The following BST1 variants were observed in gnomAD, a reference collection of about 807,000 sequenced individuals.
BST1 encodes ADP-ribosyl cyclase/cyclic ADP-ribose hydrolase 2.
In BST1, 49 loss-of-function variants were observed where a neutral mutation model predicts 40.6. The observed-to-expected ratio is 1.21, with a 90% confidence interval of 0.96 to 1.53. BST1 has a LOEUF of 1.53. Among genes scored for constraint, BST1 ranks in the 40% most tolerant of loss-of-function variants. The probability of loss-of-function intolerance (pLI) is 0.00; values close to 1 mark genes in which losing one functional copy is unlikely to be tolerated. For synonymous variants in BST1, 157 were observed against 159.3 expected (o/e 0.99, Z 0.11); for missense variants, 423 against 395.9 (o/e 1.07, Z -0.58).
intron 6 of BST1, among the ~76,000 whole-genome samples, chr4:15,718,449 AT>A (rs1720629447): frequency 1.3e-5 from 2 of 152,332 alleles, no homozygotes; most frequent in South Asian, 2.1e-4. Context: ...ATTTGGGGTA[AT>A]TTTTTAAAAT....
the BST1 span, among the ~76,000 whole-genome samples, chr4:15,766,245 G>T: frequency 6.6e-6 from 1 of 151,986 alleles, no homozygotes; most frequent in Non-Finnish European, 1.5e-5. Flanking sequence ...TTGTAATCCA[G>T]ACATGAAGGC....
At position 15,715,681 on chromosome 4, in the gene BST1, T is replaced by A; in HGVS notation, c.612-26T>A. On this transcript the variant is annotated intron_variant, in intron 5 of 8. Coordinates refer to ENST00000265016, the MANE Select transcript of BST1 (RefSeq NM_004334.3). ...GAAATGGAAAAGATATCATATTGCT[T>A]TAGGGCTTCAAGAAATGTTTCTCAG... 4 of 1,470,824 alleles carry A rather than the reference T, an allele frequency of 2.7e-6. No homozygotes were observed. The South Asian group carries it at 3.6e-5, about 13-fold the overall frequency. 91.1% of individuals were successfully genotyped at this position (1,470,824 alleles called of 1,614,324 possible). A position where few individuals can be genotyped will look rare whatever the true frequency, so the allele number is the denominator to read the frequency against.
At chr4:15,733,328 T>G (rs1446726732), downstream of BST1, among the ~76,000 whole-genome samples, 2 of 152,086 alleles carry the variant, frequency 1.3e-5, no homozygotes, top group African/African-American at 4.8e-5. Context: ...TTTTACAGAG[T>G]GCTGACTGGT....
intron 7 of BST1, among the ~76,000 whole-genome samples, chr4:15,721,618 G>C (rs1720812929): frequency 6.9e-6 from 1 of 145,884 alleles, no homozygotes. Context: ...AGAACCCTTG[G>C]ACACAGGGTA....
chr4:15,720,356 T>C (rs971233459), intron 7 of BST1, among the ~76,000 whole-genome samples: 2 of 152,046 alleles, frequency 1.3e-5, no homozygotes, highest in African/African-American at 2.4e-5. Flanking sequence ...CAGTGGCTCA[T>C]ACCTGTAATC....
intron 6 of BST1, among the ~76,000 whole-genome samples, chr4:15,716,613 G>A (rs150034123): frequency 2.1e-3 from 313 of 152,272 alleles, no homozygotes; most frequent in Non-Finnish European, 3.2e-3. Context: ...TATTTTTCCC[G>A]TCTCTTAGGC....
chr4:15,743,631 C>T, the BST1 span: 2 of 301,758 alleles, frequency 6.6e-6, no homozygotes, highest in Non-Finnish European at 1.3e-5. Flanking sequence ...CTATTTCTGG[C>T]AAGGGCAGAG....
chr4:15,751,678 A>G, the BST1 span, among the ~76,000 whole-genome samples: 25 of 151,992 alleles, frequency 1.6e-4, no homozygotes, highest in African/African-American at 6.0e-4. Flanking sequence ...TATATAGTAT[A>G]TGTATATCTT....
At chr4:15,703,882 T>G in intron 1 of BST1, among the ~76,000 whole-genome samples, 2 of 101,702 alleles carry the variant, frequency 2.0e-5, no homozygotes, top group Non-Finnish European at 4.0e-5. Context: ...GTTCTAGAGG[T>G]GAAGGGGGTG....
At chr4:15,772,411 A>C in the BST1 span, among the ~76,000 whole-genome samples, 2 of 152,180 alleles carry the variant, frequency 1.3e-5, no homozygotes, top group African/African-American at 2.4e-5. Context: ...CAGAGGCAAA[A>C]CCCACATTTC....
At chr4:15,723,615 G>T in intron 8 of BST1, 1 of 984,866 alleles carries the variant, frequency 1.0e-6, no homozygotes, top group Non-Finnish European at 1.2e-6. Flanking sequence ...TATAGTAGTT[G>T]TTTTGCTATT....
chr4:15,725,460 T>C (rs1216527038), intron 8 of BST1, among the ~76,000 whole-genome samples: 1 of 152,144 alleles, frequency 6.6e-6, no homozygotes, highest in African/African-American at 2.4e-5. Context: ...TCACAGGAGG[T>C]AAAGGATAGC....
the BST1 span, among the ~76,000 whole-genome samples, chr4:15,768,035 A>G: frequency 6.6e-6 from 1 of 152,172 alleles, no homozygotes; most frequent in Non-Finnish European, 1.5e-5. Context: ...AAAATCATTC[A>G]TTTTTAAATC....
intron 8 of BST1, 85 bp from the exon 9 acceptor site, chr4:15,731,655 A>G (rs998640147): frequency 4.0e-6 from 6 of 1,492,172 alleles, no homozygotes; most frequent in East Asian, 4.8e-5. Flanking sequence ...TAACCAGAAA[A>G]GAGACTAATA....
chr4:15,741,098 C>T (rs1261151967), downstream of BST1, among the ~76,000 whole-genome samples: 1 of 136,084 alleles, frequency 7.3e-6, no homozygotes. Flanking sequence ...TATCTAGCGA[C>T]AAAAGATTGA....
At chr4:15,752,882 C>A in the BST1 span, among the ~76,000 whole-genome samples, 1 of 152,086 alleles carries the variant, frequency 6.6e-6, no homozygotes, top group Non-Finnish European at 1.5e-5. Flanking sequence ...GGCTTCTGGC[C>A]ACTGCACATT....
At chr4:15,761,134 T>C in the BST1 span, among the ~76,000 whole-genome samples, 1 of 151,996 alleles carries the variant, frequency 6.6e-6, no homozygotes, top group African/African-American at 2.4e-5. Flanking sequence ...AACCCCCGCC[T>C]CCCGGGTTCA....
downstream of BST1, chr4:15,735,980 C>A: frequency 2.2e-6 from 2 of 912,396 alleles, no homozygotes; most frequent in Non-Finnish European, 3.0e-6. Flanking sequence ...GAAGGCAAAT[C>A]TCATCTGTCA....
intron 8 of BST1, chr4:15,731,214 G>A: frequency 2.2e-6 from 1 of 455,482 alleles, no homozygotes; most frequent in Non-Finnish European, 4.1e-6. Flanking sequence ...CCTTGTGTGT[G>A]AGCAGGGAGG....
Sources: allele counts gnomAD v4.1 joint callset (sites outside exome capture counted in the v4.1 genomes callset), GRCh38; gene constraint gnomAD v4.1.1; transcripts MANE v1.5; gene names NCBI Gene and HGNC (gene_info 2026-07-23, HGNC 2026-07-21).